Variants in MACROD2 observed in about 807,000 individuals in gnomAD.
MACROD2 encodes the protein mono-ADP ribosylhydrolase 2, also known as ADP-ribose glycohydrolase MACROD2.
MACROD2 carries 36 observed loss-of-function variants against 70.4 expected under a neutral mutation model. The observed-to-expected ratio is 0.51, with a 90% confidence interval of 0.39 to 0.68. The LOEUF (loss-of-function observed/expected upper bound fraction) is 0.68. Among genes scored for constraint, MACROD2 ranks in the 30% least tolerant of loss-of-function variants. The pLI, the probability that MACROD2 is intolerant of heterozygous loss-of-function variation, is 0.00. For missense variants in MACROD2, 496 were observed against 538.4 expected (o/e 0.92, Z 0.78); for synonymous variants, 172 against 178.8 (o/e 0.96, Z 0.30).
intron 8 of MACROD2, among the ~76,000 whole-genome samples, chr20:15,502,437 G>C (rs1469763885): frequency 6.6e-6 from 1 of 152,156 alleles, no homozygotes; most frequent in Non-Finnish European, 1.5e-5. Flanking sequence ...TCAGATTATA[G>C]GGTCTTGTGG....
intron 3 of MACROD2, among the ~76,000 whole-genome samples, chr20:14,103,131 A>G (rs558323842): frequency 3.3e-5 from 5 of 152,260 alleles, no homozygotes; most frequent in South Asian, 2.1e-4. Flanking sequence ...CAGTCAAACT[A>G]AACATTAAAT....
intron 2 of MACROD2, among the ~76,000 whole-genome samples, chr20:14,082,006 C>T (rs1444404134): frequency 6.6e-6 from 1 of 152,004 alleles, no homozygotes; most frequent in East Asian, 1.9e-4. Context: ...ATTGTCACAG[C>T]AGTATATTTA....
intron 2 of MACROD2, among the ~76,000 whole-genome samples, chr20:14,060,950 A>C (rs1332912982): frequency 1.3e-5 from 2 of 152,186 alleles, no homozygotes; most frequent in African/African-American, 4.8e-5. Flanking sequence ...TGTCTTAATA[A>C]TATAGCCATG....
At chr20:14,441,761 A>G (rs1469724665) in intron 3 of MACROD2, among the ~76,000 whole-genome samples, 2 of 152,216 alleles carry the variant, frequency 1.3e-5, no homozygotes, top group Non-Finnish European at 1.5e-5. Flanking sequence ...TGCCTCATAA[A>G]GACAGCAACA....
chr20:15,692,685 T>C (rs1407847441), intron 8 of MACROD2, among the ~76,000 whole-genome samples: 1 of 152,140 alleles, frequency 6.6e-6, no homozygotes, highest in Non-Finnish European at 1.5e-5. Flanking sequence ...GGACCTCAAG[T>C]CCTAATGACA....
chr20:15,076,876 T>C (rs1402722631), intron 5 of MACROD2, among the ~76,000 whole-genome samples: 1 of 152,190 alleles, frequency 6.6e-6, no homozygotes, highest in African/African-American at 2.4e-5. Flanking sequence ...AATGAATTAG[T>C]GAATGAATGC....
At chr20:14,368,642 C>T (rs2083295551) in intron 3 of MACROD2, among the ~76,000 whole-genome samples, 1 of 151,576 alleles carries the variant, frequency 6.6e-6, no homozygotes, top group African/African-American at 2.4e-5. Context: ...TTACTTTTGT[C>T]CCTTGCTATA....
intron 10 of MACROD2, chr20:15,893,002 C>G: frequency 2.5e-6 from 1 of 399,048 alleles, no homozygotes; most frequent in Non-Finnish European, 4.4e-6. Flanking sequence ...TCGAAAGACT[C>G]TAGCGAGGGT....
At chr20:14,618,161 C>T (rs1983589252) in intron 4 of MACROD2, among the ~76,000 whole-genome samples, 1 of 151,910 alleles carries the variant, frequency 6.6e-6, no homozygotes, top group Non-Finnish European at 1.5e-5. Context: ...ATGCCTGGCA[C>T]TTAGAAGGCC....
At chr20:14,077,894 C>CTTTTTTTTTTTT (rs58677755) in intron 2 of MACROD2, among the ~76,000 whole-genome samples, 3 of 120,502 alleles carry the variant, frequency 2.5e-5, no homozygotes, top group Non-Finnish European at 3.5e-5. Flanking sequence ...AAAGGTTTTT[C>CTTTTTTTTTTTT]TTTTTTTTTT....
chr20:14,502,999 C>T (rs923581476), intron 4 of MACROD2, among the ~76,000 whole-genome samples: 2 of 152,092 alleles, frequency 1.3e-5, no homozygotes, highest in African/African-American at 4.8e-5. Context: ...TGCAACATTA[C>T]CAGTCTAGGA....
chr20:15,827,496 G>C (rs770573221), intron 8 of MACROD2, among the ~76,000 whole-genome samples: 1 of 152,102 alleles, frequency 6.6e-6, no homozygotes, highest in Non-Finnish European at 1.5e-5. Flanking sequence ...GATGAAAATT[G>C]CAAGAAGTTT....
In MACROD2 at chr20:14,507,067, G is replaced by GA. The variant is rs550510856; in HGVS notation, c.301+13566dup. Among the ~76,000 whole-genome samples the GA allele has an allele frequency of 2.3e-4, 35 of 152,224 alleles. 1 individual carries two copies. The South Asian group carries it at 5.4e-3, about 23-fold the overall frequency. The stretch of plus-strand genomic sequence containing the variant: ...GGAATCTGTGACTAGTATTCAGAGA[G>GA]AAAAAAACAGTCAAAAAGTAGAATG... On this transcript the variant is annotated intron_variant, in intron 4 of 17. Transcript: ENST00000684519.
At chr20:15,737,951 C>T (rs73107309) in intron 8 of MACROD2, among the ~76,000 whole-genome samples, 8,892 of 151,938 alleles carry the variant, frequency 0.059, 337 homozygotes, top group Non-Finnish European at 0.073. Context: ...ACAAACAAAA[C>T]ACAGGTAGAC....
intron 12 of MACROD2, among the ~76,000 whole-genome samples, chr20:15,956,130 T>C (rs1601209007): frequency 6.6e-6 from 1 of 152,194 alleles, no homozygotes; most frequent in South Asian, 2.1e-4. Flanking sequence ...GGCTGGCTGG[T>C]GGCTAATGGA....
intron 8 of MACROD2, among the ~76,000 whole-genome samples, chr20:15,760,183 A>T (rs936037182): frequency 6.6e-6 from 1 of 152,232 alleles, no homozygotes; most frequent in Non-Finnish European, 1.5e-5. Context: ...AATCATCGTG[A>T]GGAGTGTCTC....
intron 8 of MACROD2, among the ~76,000 whole-genome samples, chr20:15,797,431 A>G (rs1286176994): frequency 6.6e-6 from 1 of 152,128 alleles, no homozygotes; most frequent in Non-Finnish European, 1.5e-5. Flanking sequence ...TTCTATCTTT[A>G]TGCTAGTGAC....
At chr20:14,124,875 T>G (rs1268348662) in intron 3 of MACROD2, among the ~76,000 whole-genome samples, 2 of 152,176 alleles carry the variant, frequency 1.3e-5, no homozygotes, top group African/African-American at 4.8e-5. Flanking sequence ...GCATTTTTTG[T>G]CATAGCCCAA....
intron 8 of MACROD2, among the ~76,000 whole-genome samples, chr20:15,796,931 C>T (rs751420731): frequency 3.3e-5 from 5 of 152,048 alleles, no homozygotes; most frequent in Admixed American, 1.3e-4. Context: ...TATATACGAG[C>T]TAGGAGTGTG....
Sources: allele counts gnomAD v4.1 joint callset (sites outside exome capture counted in the v4.1 genomes callset), GRCh38; gene constraint gnomAD v4.1.1; transcripts MANE v1.5; gene names NCBI Gene and HGNC (gene_info 2026-07-23, HGNC 2026-07-21).